Variants in FOXP1 observed in about 807,000 individuals in gnomAD.
The protein encoded by FOXP1 is forkhead box P1.
Under a neutral mutation model 98.2 loss-of-function variants are expected in FOXP1, and 15 were observed. The ratio of observed to expected loss-of-function variants is 0.15; its 90% CI spans 0.10 to 0.24. FOXP1 has a LOEUF of 0.24. Among genes scored for constraint, FOXP1 ranks in the 10% least tolerant of loss-of-function variants. The pLI is 1.00. For missense variants in FOXP1, 633 were observed against 848.5 expected (o/e 0.75, Z 3.15); for synonymous variants, 371 against 314.5 (o/e 1.18, Z -1.90).
At chr3:71,106,750 A>G (rs989201253) in intron 7 of FOXP1, among the ~76,000 whole-genome samples, 1 of 149,244 alleles carries the variant, frequency 6.7e-6, no homozygotes, top group Non-Finnish European at 1.5e-5. Context: ...ACACCACTGC[A>G]GTTGCACCTG....
chr3:71,572,162 G>A (rs886745279), intron 2 of FOXP1: 5 of 152,224 alleles, frequency 3.3e-5, no homozygotes, highest in Admixed American at 1.3e-4. Flanking sequence ...AAATAAGAAA[G>A]AGAAAATGGC....
intron 4 of FOXP1, among the ~76,000 whole-genome samples, chr3:71,311,673 C>T (rs2107622857): frequency 6.6e-6 from 1 of 152,332 alleles, no homozygotes; most frequent in East Asian, 1.9e-4. Flanking sequence ...TCCAACAATC[C>T]TTCCCTTCAA....
chr3:71,418,122 T>C (rs868190412), intron 3 of FOXP1, among the ~76,000 whole-genome samples: 1 of 140,774 alleles, frequency 7.1e-6, no homozygotes, highest in Non-Finnish European at 1.5e-5. Context: ...TGTGGGTGTG[T>C]GTGTGTGTGT....
At chr3:70,970,485 G>T in intron 19 of FOXP1, 1 of 498,554 alleles carries the variant, frequency 2.0e-6, no homozygotes, top group Non-Finnish European at 3.6e-6. Flanking sequence ...TGGAAATTAT[G>T]ATACTGCTGA....
intron 4 of FOXP1, among the ~76,000 whole-genome samples, chr3:71,325,851 T>C (rs1262427677): frequency 6.6e-6 from 1 of 152,088 alleles, no homozygotes; most frequent in Non-Finnish European, 1.5e-5. Context: ...TGGCTCAAAA[T>C]GGCATTATTT....
chr3:71,410,317 T>G (rs2082639915), intron 3 of FOXP1, among the ~76,000 whole-genome samples: 1 of 152,254 alleles, frequency 6.6e-6, no homozygotes. Flanking sequence ...CTGAATCAAC[T>G]GCCCACAATT....
chr3:71,581,603 G>A lies in FOXP1; in HGVS notation c.-352C>T. 1.0e-6 allele frequency: 1 copy of A among 985,638 alleles called. No individual in the cohort carries two copies. Among genetic ancestry groups the A allele is most frequent in the South Asian group, 4.7e-5 (1 of 21,448 alleles). The allele number at this position is 985,638 out of a possible 1,614,324, so 61.1% of individuals were successfully genotyped here. A position where few individuals can be genotyped will look rare whatever the true frequency, so the allele number is the denominator to read the frequency against. The stretch of plus-strand genomic sequence containing the variant: ...CCGCCTTCACGCCCGCGGAGGAGGC[G>A]CCGGCAGCACCATGGTCCCCGGCGC... On this transcript the variant is annotated 5_prime_UTR_variant, in exon 2 of 21. Coordinates refer to ENST00000649528, the MANE Select transcript of FOXP1 (RefSeq NM_001349338.3).
At chr3:71,406,048 A>C (rs2082296706) in intron 3 of FOXP1, among the ~76,000 whole-genome samples, 1 of 151,952 alleles carries the variant, frequency 6.6e-6, no homozygotes, top group Non-Finnish European at 1.5e-5. Flanking sequence ...GTACTTTTTA[A>C]AGCTTTTCAC....
At chr3:71,546,438 A>T (rs2045367134) in intron 2 of FOXP1, among the ~76,000 whole-genome samples, 1 of 152,182 alleles carries the variant, frequency 6.6e-6, no homozygotes, top group Non-Finnish European at 1.5e-5. Flanking sequence ...TCAAGTTACA[A>T]ATTCCATGTG....
At chr3:71,476,516 G>A (rs2089857955) in intron 3 of FOXP1, among the ~76,000 whole-genome samples, 1 of 152,036 alleles carries the variant, frequency 6.6e-6, no homozygotes, top group Non-Finnish European at 1.5e-5. Context: ...CTCGGGTTAT[G>A]GGTAAAATTT....
At chr3:71,518,209 A>T (rs2042721348) in intron 2 of FOXP1, among the ~76,000 whole-genome samples, 1 of 152,168 alleles carries the variant, frequency 6.6e-6, no homozygotes, top group Non-Finnish European at 1.5e-5. Flanking sequence ...TAATTAATAC[A>T]AACAGCCCCA....
At chr3:71,441,563 T>C (rs539070039) in intron 3 of FOXP1, among the ~76,000 whole-genome samples, 1 of 152,348 alleles carries the variant, frequency 6.6e-6, no homozygotes, top group South Asian at 2.1e-4. Context: ...AGAATGATCC[T>C]ACGATGCCCC....
At chr3:71,206,305 C>G (rs893970737) in intron 5 of FOXP1, among the ~76,000 whole-genome samples, 2 of 152,018 alleles carry the variant, frequency 1.3e-5, no homozygotes, top group African/African-American at 4.8e-5. Flanking sequence ...TTCTGAAACT[C>G]CAAAAGTAAC....
At chr3:71,436,332 C>T (rs560745304) in intron 3 of FOXP1, among the ~76,000 whole-genome samples, 124 of 152,190 alleles carry the variant, frequency 8.1e-4, no homozygotes, top group Middle Eastern at 3.4e-3. Flanking sequence ...CTGGTATAAG[C>T]CAGTGTTTTC....
chr3:71,130,436 C>T (rs1559993320), intron 6 of FOXP1: 6 of 1,524,564 alleles, frequency 3.9e-6, no homozygotes, highest in Admixed American at 3.5e-5. Flanking sequence ...TGCACAAGAA[C>T]GGATCCCTAG....
intron 4 of FOXP1, among the ~76,000 whole-genome samples, chr3:71,304,054 AT>A (rs1322444110): frequency 6.6e-6 from 1 of 152,052 alleles, no homozygotes; most frequent in Non-Finnish European, 1.5e-5. Context: ...TGCAAGTAAC[AT>A]TTTACTTCCT....
rs1360756100 is a variant in FOXP1 at position 70,955,665 on chromosome 3, T to A, written c.*3582A>T. On this transcript the variant is annotated 3_prime_UTR_variant, in exon 21 of 21. Coordinates refer to ENST00000649528, the MANE Select transcript of FOXP1 (RefSeq NM_001349338.3). ...AACTTGGAAAAGTGTGACCCTGGAA[T>A]TTCATCATGCAAAATATTTACTGCA... 4.3e-6 allele frequency: 1 copy of A among 233,382 alleles called. No homozygotes were observed. The highest frequency in any genetic ancestry group is 2.2e-5 in the African/African-American group (1 of 45,284). 14.5% of individuals were successfully genotyped at this position (233,382 alleles called of 1,614,324 possible). A position where few individuals can be genotyped will look rare whatever the true frequency, so the allele number is the denominator to read the frequency against.
intron 6 of FOXP1, among the ~76,000 whole-genome samples, chr3:71,191,174 A>C (rs939445970): frequency 6.6e-6 from 1 of 152,226 alleles, no homozygotes; most frequent in Non-Finnish European, 1.5e-5. Context: ...TGATAAACGC[A>C]AGCCATTGCA....
intron 4 of FOXP1, among the ~76,000 whole-genome samples, chr3:71,304,912 GA>G (rs1372903626): frequency 6.6e-6 from 1 of 152,170 alleles, no homozygotes; most frequent in Non-Finnish European, 1.5e-5. Context: ...AACCGGTCAT[GA>G]AAACTCCTTC....
Sources: allele counts gnomAD v4.1 joint callset (sites outside exome capture counted in the v4.1 genomes callset), GRCh38; gene constraint gnomAD v4.1.1; transcripts MANE v1.5; gene names NCBI Gene and HGNC (gene_info 2026-07-23, HGNC 2026-07-21).